The following SEMA5A variants were observed in gnomAD, a reference collection of about 807,000 sequenced individuals.
SEMA5A encodes semaphorin-5A.
Under a neutral mutation model 135.5 loss-of-function variants are expected in SEMA5A, and 55 were observed. The observed-to-expected ratio is 0.41, with a 90% CI of 0.33 to 0.51. The LOEUF is 0.51. SEMA5A is among the 20% of genes least tolerant of loss of function. The probability of loss-of-function intolerance (pLI) is 0.37; values close to 1 mark genes in which losing one functional copy is unlikely to be tolerated. For synonymous variants in SEMA5A, 580 were observed against 546.5 expected (o/e 1.06, Z -0.85); for missense variants, 1,290 against 1,419.9 (o/e 0.91, Z 1.47).
chr5:9,385,535 C>T (rs1213600951), intron 2 of SEMA5A, among the ~76,000 whole-genome samples: 1 of 152,084 alleles, frequency 6.6e-6, no homozygotes, highest in African/African-American at 2.4e-5. Context: ...CCCTCCTGCG[C>T]CCATCCCCTA....
chr5:9,494,778 G>A (rs1021844483), intron 1 of SEMA5A, among the ~76,000 whole-genome samples: 1 of 152,100 alleles, frequency 6.6e-6, no homozygotes, highest in African/African-American at 2.4e-5. Context: ...TAAATACCAT[G>A]GGTTAAATTT....
intron 3 of SEMA5A, among the ~76,000 whole-genome samples, chr5:9,364,733 C>T (rs1179444333): frequency 2.0e-5 from 3 of 152,142 alleles, no homozygotes; most frequent in Non-Finnish European, 4.4e-5. Context: ...GAGTCAAATT[C>T]CCATTGTTCA....
intron 5 of SEMA5A, among the ~76,000 whole-genome samples, chr5:9,257,531 A>C (rs935155260): frequency 1.1e-4 from 17 of 152,096 alleles, no homozygotes; most frequent in African/African-American, 4.1e-4. Context: ...GAAAATGTCC[A>C]TGAAAACAGT....
intron 1 of SEMA5A, among the ~76,000 whole-genome samples, chr5:9,448,450 G>A (rs1028352563): frequency 6.6e-6 from 1 of 152,096 alleles, no homozygotes; most frequent in African/African-American, 2.4e-5. Context: ...AGTTAGCCCC[G>A]CCCCTTCTGC....
intron 11 of SEMA5A, among the ~76,000 whole-genome samples, chr5:9,167,418 A>G (rs989233684): frequency 2.0e-5 from 3 of 152,192 alleles, no homozygotes; most frequent in African/African-American, 7.2e-5. Flanking sequence ...CTGTCCATGC[A>G]CCTGAAATCC....
chr5:9,122,138 C>T (rs1326105369), intron 14 of SEMA5A, among the ~76,000 whole-genome samples: 1 of 152,120 alleles, frequency 6.6e-6, no homozygotes, highest in Non-Finnish European at 1.5e-5. Context: ...ATAAAACAAA[C>T]ACCACCACAG....
chr5:9,233,511 A>C (rs1408318468), intron 6 of SEMA5A, among the ~76,000 whole-genome samples: 3 of 151,524 alleles, frequency 2.0e-5, no homozygotes, highest in Non-Finnish European at 1.5e-5. Flanking sequence ...AGGCAAAGGC[A>C]CTCCCTCTTT....
intron 11 of SEMA5A, among the ~76,000 whole-genome samples, chr5:9,160,284 C>A (rs1743181557): frequency 1.3e-5 from 2 of 152,134 alleles, no homozygotes; most frequent in African/African-American, 4.8e-5. Flanking sequence ...TGTCAGAAGG[C>A]AATATGTTCT....
intron 2 of SEMA5A, among the ~76,000 whole-genome samples, chr5:9,410,200 A>G (rs565211204): frequency 1.8e-4 from 28 of 152,258 alleles, no homozygotes; most frequent in Non-Finnish European, 3.7e-4. Flanking sequence ...CTGGGAAAAA[A>G]ATCATATGAT....
chr5:9,280,914 C>T, intron 5 of SEMA5A: 1 of 220,860 alleles, frequency 4.5e-6, no homozygotes, highest in Non-Finnish European at 9.6e-6. Context: ...TAAATAATTC[C>T]TCCGTTAATT....
chr5:9,182,148 T>TCC (rs1374414168), intron 11 of SEMA5A, among the ~76,000 whole-genome samples: 1 of 130,894 alleles, frequency 7.6e-6, no homozygotes, highest in Non-Finnish European at 1.6e-5. Flanking sequence ...TTATTGCTTC[T>TCC]GCCCCCCACC....
In SEMA5A at chr5:9,423,146, G is replaced by A. The variant is rs374527803; in HGVS notation, c.-78+14610C>T. On this transcript the variant is annotated intron_variant, in intron 2 of 22. Coordinates refer to ENST00000382496, the MANE Select transcript of SEMA5A (RefSeq NM_003966.3). ...CACATAATTTTAAAATTCAGGCTGA[G>A]GGCCACTGTGGACGCAGAAGGCTGA... Among the ~76,000 whole-genome samples the A allele has an allele frequency of 1.6e-3, 247 of 152,250 alleles. 3 individuals carry two copies. Among genetic ancestry groups the A allele is most frequent in the African/African-American group, 5.7e-3 (235 of 41,554 alleles).
In SEMA5A at chr5:9,044,530, C is replaced by T. The variant is rs757790293; in HGVS notation, c.2948G>A (p.Cys983Tyr). 5 of 1,613,848 alleles carry T rather than the reference C, an allele frequency of 3.1e-6. No homozygotes were observed. The highest frequency in any genetic ancestry group is 1.7e-5 in the Admixed American group (1 of 59,984). ...AGTATAGACGAGCAGGGTGAGGAGGCAGCCGAGGATGGAGCTGCTCAGCCC... is the reference window on the plus strand; with the variant it reads ...AGTATAGACGAGCAGGGTGAGGAGGTAGCCGAGGATGGAGCTGCTCAGCCC... ...AVGLSSSILG[C>Y]LLTLLVYTYC... The change falls in exon 22 of 23, where the codon TGC (cysteine) becomes TAC (tyrosine). Residue 983 changes from cysteine (C) to tyrosine (Y), a missense_variant. Cys to Tyr is a radical substitution (Grantham distance 194). Around this residue, in one of 3 missense-constraint regions of SEMA5A, gnomAD observed 1,029 missense variants for 1,086.6 expected, o/e 0.95. Transcript: ENST00000382496.
intron 12 of SEMA5A, among the ~76,000 whole-genome samples, chr5:9,152,996 A>T (rs1742715782): frequency 6.7e-6 from 1 of 149,406 alleles, no homozygotes; most frequent in Non-Finnish European, 1.5e-5. Flanking sequence ...TGAACCCAGG[A>T]GGTGGAGATT....
At chr5:9,463,861 C>A (rs1247652783) in intron 1 of SEMA5A, among the ~76,000 whole-genome samples, 1 of 152,218 alleles carries the variant, frequency 6.6e-6, no homozygotes, top group Non-Finnish European at 1.5e-5. Flanking sequence ...CCACACCCCC[C>A]TGAAGGTGTT....
At chr5:9,335,533 G>A (rs561833466) in intron 4 of SEMA5A, among the ~76,000 whole-genome samples, 1 of 152,342 alleles carries the variant, frequency 6.6e-6, no homozygotes, top group East Asian at 1.9e-4. Flanking sequence ...ATGAGTCAAA[G>A]TCATAGAAAA....
At chr5:9,141,712 T>A (rs1227643035) in intron 12 of SEMA5A, among the ~76,000 whole-genome samples, 3 of 152,226 alleles carry the variant, frequency 2.0e-5, no homozygotes, top group Non-Finnish European at 4.4e-5. Flanking sequence ...CTTTACATTT[T>A]AAAAATTTGC....
intron 1 of SEMA5A, among the ~76,000 whole-genome samples, chr5:9,489,833 T>C (rs1734915873): frequency 6.6e-6 from 1 of 152,164 alleles, no homozygotes; most frequent in Admixed American, 6.6e-5. Context: ...TTAAGTACAC[T>C]GACTTCAAGT....
chr5:9,528,982 G>A (rs980732087), intron 1 of SEMA5A, among the ~76,000 whole-genome samples: 1 of 152,206 alleles, frequency 6.6e-6, no homozygotes, highest in Non-Finnish European at 1.5e-5. Context: ...TGGTTCTTAG[G>A]TCATGGTGAT....
Sources: allele counts gnomAD v4.1 joint callset (sites outside exome capture counted in the v4.1 genomes callset), GRCh38; gene constraint gnomAD v4.1.1; regional missense constraint gnomAD v4.1.1; transcripts MANE v1.5; gene names NCBI Gene and HGNC (gene_info 2026-07-23, HGNC 2026-07-21).